The following C4orf51 variants were observed in gnomAD, a reference collection of about 807,000 sequenced individuals.
C4orf51 encodes uncharacterized protein C4orf51.
C4orf51 carries 25 observed loss-of-function variants against 25.2 expected under a neutral mutation model. That is an observed-to-expected ratio of 0.99 (90% CI 0.72 to 1.39). The LOEUF (loss-of-function observed/expected upper bound fraction) is 1.39, where lower values mean the gene tolerates loss of function less well. C4orf51 is among the 40% of genes most tolerant of loss of function. The probability of loss-of-function intolerance (pLI) is 0.00; values close to 1 mark genes in which losing one functional copy is unlikely to be tolerated. For synonymous variants in C4orf51, 100 were observed against 84.5 expected (o/e 1.18, Z -1.01); for missense variants, 252 against 239.6 (o/e 1.05, Z -0.34).
the C4orf51 span, among the ~76,000 whole-genome samples, chr4:145,780,166 G>C: frequency 6.6e-6 from 1 of 150,482 alleles, no homozygotes; most frequent in Non-Finnish European, 1.5e-5. Flanking sequence ...ACTCCAGCCT[G>C]GGTGGCAGAG....
Position 145,761,121 on chromosome 4 carries a change from C to T in C4orf51, n.167-9867C>T, listed in dbSNP as rs768693486. 408 of 1,289,438 alleles carry T rather than the reference C, an allele frequency of 3.2e-4. No individual in the cohort carries two copies. Among genetic ancestry groups the T allele is most frequent in the Non-Finnish European group, 3.8e-4 (375 of 988,706 alleles). 79.9% of individuals were successfully genotyped at this position (1,289,438 alleles called of 1,614,324 possible). ...TCCGGGAGCTCCCGACCACCAGGAGCGGGGCCCCCGGGCCGGCCGGTTCCT... is the reference window on the plus strand; with the variant it reads ...TCCGGGAGCTCCCGACCACCAGGAGTGGGGCCCCCGGGCCGGCCGGTTCCT... On this transcript the variant is annotated intron_variant and non_coding_transcript_variant, in intron 1 of 1. Transcript: ENST00000510096. This position sits in a 1 kb window ranked among gnomAD's most constrained non-coding sequence, Gnocchi z 6.8.
chr4:145,685,671 A>G (rs1729109675), intron 1 of C4orf51, among the ~76,000 whole-genome samples: 1 of 152,172 alleles, frequency 6.6e-6, no homozygotes, highest in Non-Finnish European at 1.5e-5. Context: ...TCAGTGGTCG[A>G]TCTTTAACTA....
At chr4:145,701,224 G>A (rs1177043420) in intron 2 of C4orf51, among the ~76,000 whole-genome samples, 2 of 126,344 alleles carry the variant, frequency 1.6e-5, no homozygotes, top group African/African-American at 6.6e-5. Context: ...CACCTTCAAG[G>A]TGTACAATAA....
Position 145,765,533 on chromosome 4 carries a change from C to A in C4orf51, n.167-5455C>A. Reference sequence around the variant, plus strand: ...GCGGAGGGTTGAGCAGGCTCACACCCACCTCCTCCTTACCTTTCTCTGGCT... The same window carrying A: ...GCGGAGGGTTGAGCAGGCTCACACCAACCTCCTCCTTACCTTTCTCTGGCT... On this transcript the variant is annotated intron_variant and non_coding_transcript_variant, in intron 1 of 1. Coordinates refer to the C4orf51 transcript ENST00000510096. This position sits in a 1 kb window ranked among gnomAD's most constrained non-coding sequence, Gnocchi z 4.7. The A allele has an allele frequency of 6.2e-7, 1 of 1,604,158 alleles. No individual in the cohort carries two copies. Among genetic ancestry groups the A allele is most frequent in the Non-Finnish European group, 8.5e-7 (1 of 1,175,130 alleles).
chr4:145,696,716 C>G, intron 2 of C4orf51, 84 bp downstream of exon 2: 1 of 995,678 alleles, frequency 1.0e-6, no homozygotes, highest in South Asian at 1.5e-5. Flanking sequence ...TTTTCTCTCA[C>G]TTTACTGAGA....
At position 145,763,392 on chromosome 4, in the gene C4orf51, A is replaced by C. The variant is rs926632296; in HGVS notation, n.167-7596A>C. On this transcript the variant is annotated intron_variant and non_coding_transcript_variant, in intron 1 of 1. Transcript: ENST00000510096. This position sits in a 1 kb window ranked among gnomAD's most constrained non-coding sequence, Gnocchi z 4.6. ...CAAAGGAAACAAAACAAAACAAAAC[A>C]AAGACTCACTGTATAGCCAGAAGGC... Among the ~76,000 whole-genome samples, 1 of 152,246 alleles carries C rather than the reference A, an allele frequency of 6.6e-6. No individual in the cohort carries two copies. The highest frequency in any genetic ancestry group is 1.5e-5 in the Non-Finnish European group (1 of 68,044).
intron 1 of C4orf51, among the ~76,000 whole-genome samples, chr4:145,687,966 T>C (rs1445048125): frequency 6.6e-6 from 1 of 152,084 alleles, no homozygotes; most frequent in Non-Finnish European, 1.5e-5. Context: ...AGTTAGTGCT[T>C]ACCAGTAACA....
At position 145,761,864 on chromosome 4, in the gene C4orf51, C is replaced by T. The variant is rs965636183; in HGVS notation, n.167-9124C>T. ...TCTTGGCCGATACAGGCAAGGCCAG[C>T]CCTCACCAAGGGGAGCAGAGAAAGT... On this transcript the variant is annotated intron_variant and non_coding_transcript_variant, in intron 1 of 1. Transcript: ENST00000510096. The surrounding 1 kb of genome is among the most constrained non-coding windows in gnomAD (Gnocchi z 6.8). 1.3e-5 allele frequency among the ~76,000 whole-genome samples: 2 copies of T among 152,194 alleles called. No homozygotes were observed. Among genetic ancestry groups the T allele is most frequent in the Admixed American group, 6.5e-5 (1 of 15,286 alleles).
At chr4:145,752,841 G>A (rs1401287225) in intron 1 of C4orf51, among the ~76,000 whole-genome samples, 1 of 152,188 alleles carries the variant, frequency 6.6e-6, no homozygotes, top group African/African-American at 2.4e-5. Flanking sequence ...ATTCCCCTCT[G>A]GCTAGGGCTG....
intron 1 of C4orf51, 31 bp downstream of exon 1, chr4:145,680,467 A>G (rs1458506820): frequency 7.3e-6 from 11 of 1,502,474 alleles, no homozygotes; most frequent in Admixed American, 3.5e-5. Context: ...GCACCTGGAT[A>G]TATCACTATA....
At chr4:145,689,467 CA>C (rs938931463) in intron 1 of C4orf51, among the ~76,000 whole-genome samples, 10 of 151,058 alleles carry the variant, frequency 6.6e-5, no homozygotes, top group African/African-American at 2.2e-4. Context: ...AAATTAATAC[CA>C]AAAAAACACA....
At chr4:145,713,761 T>C (rs1731256666) in intron 2 of C4orf51, among the ~76,000 whole-genome samples, 1 of 152,118 alleles carries the variant, frequency 6.6e-6, no homozygotes, top group Admixed American at 6.6e-5. Flanking sequence ...AATTAAGGTA[T>C]GTCCATTTTA....
intron 2 of C4orf51, among the ~76,000 whole-genome samples, chr4:145,710,452 T>C (rs926149360): frequency 5.9e-5 from 9 of 152,002 alleles, no homozygotes; most frequent in Non-Finnish European, 1.3e-4. Flanking sequence ...GCTGTCTGCA[T>C]GTGCAGTGGC....
At position 145,760,745 on chromosome 4, in the gene C4orf51, GTCTC is replaced by G. The variant is rs1734365205; in HGVS notation, n.167-10239_167-10236del. On this transcript the variant is annotated intron_variant and non_coding_transcript_variant, in intron 1 of 1. Transcript: ENST00000510096. The stretch of plus-strand genomic sequence containing the variant: ...GTTTTTTTTTTTTTTTTTGTCTTTT[GTCTC>G]TCTGTTTTTGGTACAGAACATGGCT... 11 of 416,174 alleles carry G rather than the reference GTCTC, an allele frequency of 2.6e-5. No homozygotes were observed. The South Asian group carries it at 9.5e-4, about 36-fold the overall frequency. The allele number at this position is 416,174 out of a possible 1,614,324, so 25.8% of individuals were successfully genotyped here.
chr4:145,687,045 T>A (rs1474025400), intron 1 of C4orf51, among the ~76,000 whole-genome samples: 1 of 150,942 alleles, frequency 6.6e-6, no homozygotes, highest in East Asian at 2.0e-4. Context: ...GAAAAATAAA[T>A]CTTGGGGCCC....
At position 145,763,224 on chromosome 4, in the gene C4orf51, A is replaced by C; in HGVS notation, n.167-7764A>C. On this transcript the variant is annotated intron_variant and non_coding_transcript_variant, in intron 1 of 1. Transcript: ENST00000510096. This position sits in a 1 kb window ranked among gnomAD's most constrained non-coding sequence, Gnocchi z 4.6. Reference sequence around the variant, plus strand: ...ATCACAGAAAAGCAATTTAGACATCAGCAGTCTGTTTCATTTTAAGGACAT... The same window carrying C: ...ATCACAGAAAAGCAATTTAGACATCCGCAGTCTGTTTCATTTTAAGGACAT... 2 of 1,168,940 alleles carry C rather than the reference A, an allele frequency of 1.7e-6. No homozygotes were observed. The highest frequency in any genetic ancestry group is 2.4e-6 in the Non-Finnish European group (2 of 831,070). 72.4% of individuals were successfully genotyped at this position (1,168,940 alleles called of 1,614,324 possible).
chr4:145,781,995 C>A, the C4orf51 span, among the ~76,000 whole-genome samples: 1 of 152,198 alleles, frequency 6.6e-6, no homozygotes, highest in Non-Finnish European at 1.5e-5. Flanking sequence ...GTCCACTGGT[C>A]TTAGAAAATG....
Position 145,740,240 on chromosome 4 carries a change from C to CAA in C4orf51, n.167+7651_167+7652dup, listed in dbSNP as rs60310006. On this transcript the variant is annotated intron_variant and non_coding_transcript_variant, in intron 1 of 1. Coordinates refer to the C4orf51 transcript ENST00000508981. ...AATTATAGCTATCTCTCCCTTTCTG[C>CAA]AAAAAAAAAAAAAAAAAAAAAAAAA... Among the ~76,000 whole-genome samples, 78 of 104,798 alleles carry CAA rather than the reference C, an allele frequency of 7.4e-4. 4 individuals are homozygous for CAA. Among genetic ancestry groups the CAA allele is most frequent in the African/African-American group, 2.7e-3 (66 of 24,428 alleles). The allele number at this position is 104,798 out of a possible 152,430, so 68.8% of individuals were successfully genotyped here.
At chr4:145,680,504 A>G in intron 1 of C4orf51, 68 bp downstream of exon 1, 1 of 1,209,436 alleles carries the variant, frequency 8.3e-7, no homozygotes. Context: ...CTTAGAAGAA[A>G]GAGGTATTGT....
Sources: gnomAD v4.1 joint callset for allele counts (sites outside exome capture counted in the v4.1 genomes callset) on GRCh38, gnomAD v4.1.1 for gene constraint, Gnocchi (gnomAD v3.1) non-coding constraint, MANE v1.5 for transcripts, NCBI Gene and HGNC (gene_info 2026-07-23, HGNC 2026-07-21) for gene names.